The following RELN variants were observed in gnomAD, a reference collection of about 807,000 sequenced individuals.
The protein encoded by RELN is reelin.
RELN carries 108 observed loss-of-function variants against 427.6 expected under a neutral mutation model. The observed-to-expected ratio is 0.25, with a 90% confidence interval of 0.22 to 0.30. RELN has a LOEUF of 0.30. Ranked by LOEUF, RELN falls within the 10% of genes least tolerant of loss-of-function variation. RELN has a pLI of 1.00. For synonymous variants in RELN, 1,524 were observed against 1,513.4 expected (o/e 1.01, Z -0.16); for missense variants, 3,715 against 4,302.8 (o/e 0.86, Z 3.82).
intron 20 of RELN, among the ~76,000 whole-genome samples, chr7:103,622,057 TTC>T (rs1410555238): frequency 6.6e-6 from 1 of 152,256 alleles, no homozygotes; most frequent in Non-Finnish European, 1.5e-5. Context: ...ACTGCTAAAT[TTC>T]TGTTTCAACA....
intron 46 of RELN, among the ~76,000 whole-genome samples, chr7:103,524,329 T>C (rs1829776004): frequency 6.7e-6 from 1 of 148,744 alleles, no homozygotes; most frequent in Non-Finnish European, 1.5e-5. Flanking sequence ...CAGAGAAAAT[T>C]GTACAGAGAA....
chr7:103,704,231 T>C (rs1392250229), intron 8 of RELN, among the ~76,000 whole-genome samples: 1 of 152,206 alleles, frequency 6.6e-6, no homozygotes, highest in Admixed American at 6.5e-5. Flanking sequence ...CCCCATAATA[T>C]ATAAGGCAAA....
At chr7:103,736,037 T>A (rs1790483861) in intron 6 of RELN, among the ~76,000 whole-genome samples, 1 of 152,238 alleles carries the variant, frequency 6.6e-6, no homozygotes, top group South Asian at 2.1e-4. Flanking sequence ...CAGGTACGGA[T>A]CACACTGCCT....
chr7:103,929,139 C>G (rs1020278737), intron 1 of RELN, among the ~76,000 whole-genome samples: 13 of 151,500 alleles, frequency 8.6e-5, no homozygotes, highest in African/African-American at 3.1e-4. Context: ...GAACCAACAT[C>G]AAGTTAAATG....
intron 51 of RELN, among the ~76,000 whole-genome samples, chr7:103,506,947 C>T (rs1002688758): frequency 6.6e-6 from 1 of 152,162 alleles, no homozygotes; most frequent in South Asian, 2.1e-4. Flanking sequence ...ACTGGCATTA[C>T]ATAATGGTAA....
chr7:103,643,787 A>G (rs1206239555), intron 16 of RELN, among the ~76,000 whole-genome samples: 1 of 152,036 alleles, frequency 6.6e-6, no homozygotes, highest in African/African-American at 2.4e-5. Flanking sequence ...TCTGTATTCT[A>G]TTAGAATACA....
intron 7 of RELN, among the ~76,000 whole-genome samples, chr7:103,725,975 C>A (rs1395340825): frequency 6.6e-6 from 1 of 152,110 alleles, no homozygotes; most frequent in Non-Finnish European, 1.5e-5. Flanking sequence ...GCTCGTGGTT[C>A]TTTTTCTTAC....
At chr7:103,650,229 A>G (rs997823852) in intron 16 of RELN, 45 bp downstream of exon 16, 4 of 1,128,810 alleles carry the variant, frequency 3.5e-6, no homozygotes, top group African/African-American at 1.5e-5. Context: ...GCACAGGAAG[A>G]CTCTACATCA....
At chr7:103,826,035 T>C (rs530499192) in intron 3 of RELN, among the ~76,000 whole-genome samples, 3 of 152,154 alleles carry the variant, frequency 2.0e-5, no homozygotes, top group East Asian at 1.9e-4. Context: ...AATGCCATTA[T>C]TGTGGGAGTA....
chr7:103,976,271 A>G (rs1020991893), intron 1 of RELN, among the ~76,000 whole-genome samples: 3 of 152,184 alleles, frequency 2.0e-5, no homozygotes, highest in African/African-American at 7.2e-5. Flanking sequence ...ACAGAGAAAG[A>G]CCAGGGCTGT....
At position 103,489,208 on chromosome 7, in the gene RELN, G is replaced by A. The variant is rs553536566; in HGVS notation, c.9763+534C>T. ...ATTTCTTTGAGTCATAAAGGGGTGT[G>A]TGTGTGTGTGTGTGTGTGTGTCCGT... On this transcript the variant is annotated intron_variant, in intron 60 of 64. Transcript: ENST00000428762. 2.0e-5 allele frequency among the ~76,000 whole-genome samples: 3 copies of A among 146,728 alleles called. No individual in the cohort carries two copies. The East Asian group carries it at 6.2e-4, about 31-fold the overall frequency.
At chr7:103,598,359 G>A (rs1386620025) in intron 24 of RELN, among the ~76,000 whole-genome samples, 1 of 152,130 alleles carries the variant, frequency 6.6e-6, no homozygotes, top group Non-Finnish European at 1.5e-5. Flanking sequence ...TTGAAATATT[G>A]TAAGTGAGAA....
chr7:103,751,351 C>A (rs1294534565), intron 5 of RELN, among the ~76,000 whole-genome samples: 1 of 152,180 alleles, frequency 6.6e-6, no homozygotes, highest in Admixed American at 6.5e-5. Context: ...AGCATAATTT[C>A]ACATTCTCTT....
chr7:103,974,877 C>T (rs1796839255), intron 1 of RELN, among the ~76,000 whole-genome samples: 1 of 152,196 alleles, frequency 6.6e-6, no homozygotes. Context: ...ATTTATGGCG[C>T]AGCATAGAGA....
At chr7:103,870,905 C>G (rs1767146624) in intron 2 of RELN, among the ~76,000 whole-genome samples, 1 of 152,252 alleles carries the variant, frequency 6.6e-6, no homozygotes, top group South Asian at 2.1e-4. Flanking sequence ...AGATTCCTGC[C>G]AATTCACCTG....
At chr7:103,720,488 T>C (rs1363821283) in intron 8 of RELN, among the ~76,000 whole-genome samples, 1 of 152,138 alleles carries the variant, frequency 6.6e-6, no homozygotes, top group East Asian at 1.9e-4. Context: ...ACAGTGAACA[T>C]TTAACATTTA....
At chr7:103,944,828 T>C (rs183968976) in intron 1 of RELN, among the ~76,000 whole-genome samples, 1 of 152,240 alleles carries the variant, frequency 6.6e-6, no homozygotes, top group Middle Eastern at 3.4e-3. Flanking sequence ...TGGCTACGCT[T>C]TGGGTGTTTG....
At chr7:103,565,848 A>G (rs1164350310) in intron 33 of RELN, among the ~76,000 whole-genome samples, 1 of 152,230 alleles carries the variant, frequency 6.6e-6, no homozygotes, top group Non-Finnish European at 1.5e-5. Flanking sequence ...TGATATTTTG[A>G]TACATTTATA....
chr7:103,590,601 T>TAAAA (rs1831390848), intron 27 of RELN, among the ~76,000 whole-genome samples: 2 of 150,600 alleles, frequency 1.3e-5, no homozygotes, highest in Non-Finnish European at 3.0e-5. Context: ...AATAAATAAA[T>TAAAA]ATAAAATAAA....
Sources: gnomAD v4.1 joint callset for allele counts (sites outside exome capture counted in the v4.1 genomes callset) on GRCh38, gnomAD v4.1.1 for gene constraint, MANE v1.5 for transcripts, NCBI Gene and HGNC (gene_info 2026-07-23, HGNC 2026-07-21) for gene names.